The following CEP83 variants were observed in gnomAD, a reference collection of about 807,000 sequenced individuals.
The protein encoded by CEP83 is centrosomal protein of 83 kDa.
In CEP83, 70 loss-of-function variants were observed where a neutral mutation model predicts 101.9. The observed-to-expected ratio is 0.69, with a 90% CI of 0.57 to 0.84. The LOEUF (loss-of-function observed/expected upper bound fraction) is 0.84, where lower values mean the gene tolerates loss of function less well. CEP83 is among the 40% of genes least tolerant of loss of function. The pLI is 0.00. For synonymous variants in CEP83, 264 were observed against 267.9 expected (o/e 0.99, Z 0.14); for missense variants, 715 against 787.2 (o/e 0.91, Z 1.10).
At chr12:94,450,282 C>T (rs1013039266) in intron 1 of CEP83, among the ~76,000 whole-genome samples, 2 of 152,062 alleles carry the variant, frequency 1.3e-5, no homozygotes, top group Admixed American at 6.6e-5. Context: ...GACAGATTCT[C>T]GCTCTGTCTT....
At chr12:94,419,070 TTATA>T in intron 2 of CEP83, among the ~76,000 whole-genome samples, 1 of 152,044 alleles carries the variant, frequency 6.6e-6, no homozygotes, top group African/African-American at 2.4e-5. Flanking sequence ...AAAAAAATCT[TTATA>T]TACACATGTT....
In CEP83 at chr12:94,401,010, T is replaced by A. The variant is rs780356692; in HGVS notation, c.418-29A>T. 2.3e-6 allele frequency: 3 copies of A among 1,282,648 alleles called. No individual in the cohort carries two copies. The South Asian group carries it at 8.0e-5, about 34-fold the overall frequency. 79.5% of individuals were successfully genotyped at this position (1,282,648 alleles called of 1,614,324 possible). ...AAGGGAGAATGCATTTATCATAGAT[T>A]TATAAACAAAATTCGTACTCACTCC... On this transcript the variant is annotated intron_variant, in intron 5 of 16. Transcript: ENST00000397809.
At position 94,391,183 on chromosome 12, in the gene CEP83, A is replaced by T. The variant is rs143285987; in HGVS notation, c.549+9667T>A. Among the ~76,000 whole-genome samples, 30 of 152,308 alleles carry T rather than the reference A, an allele frequency of 2.0e-4. 1 individual carries two copies. The East Asian group carries it at 5.0e-3, about 25-fold the overall frequency. On this transcript the variant is annotated intron_variant, in intron 6 of 16. Coordinates refer to ENST00000397809, the MANE Select transcript of CEP83 (RefSeq NM_016122.3). ...TCCAAGACACATAATTTTCAGATGC[A>T]CCAAGGTTGAAATGAAGGAAAAAGT...
At chr12:94,323,682 T>G (rs1422164780) in intron 14 of CEP83, among the ~76,000 whole-genome samples, 2 of 152,170 alleles carry the variant, frequency 1.3e-5, no homozygotes, top group East Asian at 3.8e-4. Flanking sequence ...CCTCCATTTC[T>G]TTTTCTTGCC....
chr12:94,425,643 C>T (rs1379728374), intron 2 of CEP83, among the ~76,000 whole-genome samples: 1 of 152,114 alleles, frequency 6.6e-6, no homozygotes, highest in African/African-American at 2.4e-5. Flanking sequence ...TTCTAGGAGG[C>T]ATAAAGTGGT....
chr12:94,299,513 C>T, the CEP83 span, among the ~76,000 whole-genome samples: 2 of 152,118 alleles, frequency 1.3e-5, no homozygotes. Context: ...TTAATCCAGG[C>T]CTATCCCAAT....
intron 2 of CEP83, among the ~76,000 whole-genome samples, chr12:94,428,161 G>A (rs2065348985): frequency 6.6e-6 from 1 of 152,194 alleles, no homozygotes; most frequent in Admixed American, 6.5e-5. Context: ...TAGAAAGTAG[G>A]ACATAGTAAT....
chr12:94,416,971 C>T (rs936840779), intron 2 of CEP83, among the ~76,000 whole-genome samples: 2 of 151,958 alleles, frequency 1.3e-5, no homozygotes, highest in Non-Finnish European at 2.9e-5. Flanking sequence ...AGACCCCTCC[C>T]GCAACCCCCC....
At chr12:94,403,298 C>G in intron 4 of CEP83, 36 bp from the exon 5 acceptor site, 1 of 923,138 alleles carries the variant, frequency 1.1e-6, no homozygotes. Context: ...TATAAAATCA[C>G]ATTAAAATCA....
In CEP83 at chr12:94,396,533, C is replaced by G. The variant is rs189719384; in HGVS notation, c.549+4317G>C. On this transcript the variant is annotated intron_variant, in intron 6 of 16. Transcript: ENST00000397809. ...TCGATCTCCTGACCCCGTGATCCAC[C>G]CGCCTCAGCCTCCCCAAGTGCTGGG... is the stretch of plus-strand genomic sequence containing the variant. Among the ~76,000 whole-genome samples, 837 of 152,138 alleles carry G rather than the reference C, an allele frequency of 5.5e-3. 2 individuals carry two copies. Among genetic ancestry groups the G allele is most frequent in the Non-Finnish European group, 9.0e-3 (612 of 67,978 alleles).
At chr12:94,331,289 G>GAAAAAAAAA (rs568464808) in intron 14 of CEP83, among the ~76,000 whole-genome samples, 5 of 43,806 alleles carry the variant, frequency 1.1e-4, no homozygotes, top group Admixed American at 4.0e-4. Context: ...CAGACTCTCA[G>GAAAAAAAAA]AAAAAAAAAA....
At chr12:94,359,368 A>T (rs2060635591) in intron 11 of CEP83, among the ~76,000 whole-genome samples, 1 of 152,206 alleles carries the variant, frequency 6.6e-6, no homozygotes, top group African/African-American at 2.4e-5. Context: ...TTTTGAAAAA[A>T]CAAAATTGAC....
chr12:94,349,709 T>A (rs965338453), intron 11 of CEP83, among the ~76,000 whole-genome samples: 5 of 152,168 alleles, frequency 3.3e-5, no homozygotes, highest in African/African-American at 1.2e-4. Flanking sequence ...AGATCAGGAA[T>A]AAACCAAGTA....
At chr12:94,435,067 C>G (rs1167003316) in intron 2 of CEP83, among the ~76,000 whole-genome samples, 1 of 152,182 alleles carries the variant, frequency 6.6e-6, no homozygotes. Flanking sequence ...AAAAGTCAAG[C>G]TGCACCTCTC....
intron 2 of CEP83, among the ~76,000 whole-genome samples, chr12:94,432,883 A>T (rs901367090): frequency 2.0e-5 from 3 of 152,234 alleles, no homozygotes; most frequent in Non-Finnish European, 4.4e-5. Context: ...ATTTAAAAAG[A>T]GAGGAACTTC....
downstream of CEP83, among the ~76,000 whole-genome samples, chr12:94,303,493 G>A (rs1051132576): frequency 2.6e-5 from 4 of 152,084 alleles, no homozygotes; most frequent in Non-Finnish European, 5.9e-5. Context: ...AATAATTTTA[G>A]TTCTTTTATG....
chr12:94,458,526 G>A (rs985252886), intron 1 of CEP83, among the ~76,000 whole-genome samples: 5 of 151,990 alleles, frequency 3.3e-5, no homozygotes, highest in Non-Finnish European at 7.4e-5. Context: ...ATCACCTGAG[G>A]TCGGGAGTTT....
intron 15 of CEP83, among the ~76,000 whole-genome samples, chr12:94,310,562 G>A (rs1969696141): frequency 6.6e-6 from 1 of 152,132 alleles, no homozygotes; most frequent in African/African-American, 2.4e-5. Context: ...CCTGCAGTCA[G>A]CCCTGCAGAA....
chr12:94,356,979 GA>G (rs1331382661), intron 11 of CEP83, among the ~76,000 whole-genome samples: 7 of 151,972 alleles, frequency 4.6e-5, no homozygotes, highest in South Asian at 2.1e-4. Context: ...AGAGCTTGGG[GA>G]AAAAAAATCA....
Sources: gnomAD v4.1 joint callset for allele counts (sites outside exome capture counted in the v4.1 genomes callset) on GRCh38, gnomAD v4.1.1 for gene constraint, MANE v1.5 for transcripts, NCBI Gene and HGNC (gene_info 2026-07-23, HGNC 2026-07-21) for gene names.